Variants in CDC42BPA observed in about 807,000 individuals in gnomAD.
CDC42BPA encodes the protein serine/threonine-protein kinase MRCK alpha.
Under a neutral mutation model 223.5 loss-of-function variants are expected in CDC42BPA, and 80 were observed. The observed-to-expected ratio is 0.36, with a 90% CI of 0.30 to 0.43. The LOEUF is 0.43. CDC42BPA is among the 20% of genes least tolerant of loss of function. The probability of loss-of-function intolerance (pLI) is 1.00; values close to 1 mark genes in which losing one functional copy is unlikely to be tolerated. For missense variants in CDC42BPA, 1,743 were observed against 2,099.9 expected (o/e 0.83, Z 3.32); for synonymous variants, 694 against 718.6 (o/e 0.97, Z 0.55).
intron 2 of CDC42BPA, among the ~76,000 whole-genome samples, chr1:227,248,083 G>A (rs1181028432): frequency 6.6e-6 from 1 of 151,946 alleles, no homozygotes; most frequent in Non-Finnish European, 1.5e-5. Context: ...AATGAAGCAT[G>A]TATAAGATCT....
intron 23 of CDC42BPA, among the ~76,000 whole-genome samples, chr1:227,043,411 CAAA>C (rs66612393): frequency 5.8e-5 from 7 of 120,986 alleles, no homozygotes; most frequent in Admixed American, 1.6e-4. Flanking sequence ...GACTTCGTCT[CAAA>C]AAAAAAAAAA....
chr1:227,155,909 A>T (rs999962093), intron 6 of CDC42BPA, among the ~76,000 whole-genome samples: 5 of 152,156 alleles, frequency 3.3e-5, no homozygotes, highest in Non-Finnish European at 7.3e-5. Context: ...CTCATCTACC[A>T]TGGTAGGATA....
intron 2 of CDC42BPA, among the ~76,000 whole-genome samples, chr1:227,220,981 T>A (rs1005202861): frequency 7.2e-5 from 11 of 152,354 alleles, no homozygotes; most frequent in Admixed American, 7.2e-4. Flanking sequence ...GAGTAGTACA[T>A]GCTTGCTTTT....
rs766052381 is a variant in CDC42BPA, at chr1:227,129,192, A to G, written c.1430T>C (p.Val477Ala). 1.1e-5 allele frequency: 17 copies of G among 1,596,562 alleles called. No individual in the cohort carries two copies. The Admixed American group carries it at 2.2e-4, about 21-fold the overall frequency. ...QTVQALQYST[V>A]DGPLTASKDL... is the part of the protein sequence containing the mutation. Reference sequence around the variant, plus strand: ...TTTGCTTGCTGTTAGTGGACCATCAACAGTTGAATACTGCAGAGCTTGGAC... The same window carrying G: ...TTTGCTTGCTGTTAGTGGACCATCAGCAGTTGAATACTGCAGAGCTTGGAC... Residue 477 changes from valine (V) to alanine (A), a missense_variant, in exon 11 of 37, where the codon GTT becomes GCT. This residue lies in a region of CDC42BPA where 464 missense variants were observed against 488.0 expected (regional missense o/e 0.95). Transcript: ENST00000366766.
chr1:227,289,742 A>G (rs1689383554), intron 1 of CDC42BPA, among the ~76,000 whole-genome samples: 1 of 152,180 alleles, frequency 6.6e-6, no homozygotes, highest in Admixed American at 6.5e-5. Context: ...AAAAACAACA[A>G]ATCTTAAGGG....
chr1:227,287,870 T>C (rs534899514), intron 1 of CDC42BPA, among the ~76,000 whole-genome samples: 1 of 152,336 alleles, frequency 6.6e-6, no homozygotes, highest in South Asian at 2.1e-4. Context: ...TATTCAAAAC[T>C]GTAGGGCAAT....
At chr1:227,055,698 T>C (rs1367094091) in intron 21 of CDC42BPA, among the ~76,000 whole-genome samples, 1 of 152,112 alleles carries the variant, frequency 6.6e-6, no homozygotes, top group African/African-American at 2.4e-5. Flanking sequence ...AGTATAATAA[T>C]GCAGCAAAAG....
At chr1:227,313,622 G>A (rs1178598149) in intron 1 of CDC42BPA, among the ~76,000 whole-genome samples, 2 of 140,504 alleles carry the variant, frequency 1.4e-5, no homozygotes, top group African/African-American at 5.4e-5. Context: ...TGAACATTTT[G>A]ATAATTCGGA....
intron 1 of CDC42BPA, among the ~76,000 whole-genome samples, chr1:227,292,108 G>T (rs758976986): frequency 1.3e-5 from 2 of 151,466 alleles, no homozygotes; most frequent in Non-Finnish European, 2.9e-5. Flanking sequence ...TCAGCCTCCC[G>T]AGTAGCTGGG....
intron 2 of CDC42BPA, among the ~76,000 whole-genome samples, chr1:227,222,085 TAGTC>T (rs1378117929): frequency 6.8e-6 from 1 of 147,222 alleles, no homozygotes; most frequent in Non-Finnish European, 1.5e-5. Flanking sequence ...AAAAATTAAT[TAGTC>T]AGGGATAGTG....
chr1:227,268,256 C>T (rs1255159596), intron 1 of CDC42BPA, among the ~76,000 whole-genome samples: 1 of 152,042 alleles, frequency 6.6e-6, no homozygotes, highest in Non-Finnish European at 1.5e-5. Flanking sequence ...CGTTTGCTTT[C>T]ACGACATAAG....
At chr1:227,153,139 G>A (rs576462715) in intron 6 of CDC42BPA, among the ~76,000 whole-genome samples, 12 of 151,696 alleles carry the variant, frequency 7.9e-5, no homozygotes, top group African/African-American at 2.9e-4. Flanking sequence ...CGAATAAATA[G>A]ATCAGAGAAA....
chr1:227,315,931 C>A, intron 1 of CDC42BPA, among the ~76,000 whole-genome samples: 1 of 117,138 alleles, frequency 8.5e-6, no homozygotes, highest in Non-Finnish European at 1.7e-5. Context: ...ACCTGAGAAA[C>A]TAACTTTGAA....
At chr1:227,193,544 G>A (rs1670128019) in intron 5 of CDC42BPA, 1 of 405,596 alleles carries the variant, frequency 2.5e-6, no homozygotes, top group African/African-American at 2.0e-5. Context: ...TATTATTCTA[G>A]GAGTGACAAC....
intron 31 of CDC42BPA, among the ~76,000 whole-genome samples, chr1:227,025,085 A>G (rs943106780): frequency 1.3e-5 from 2 of 152,136 alleles, no homozygotes; most frequent in Admixed American, 6.5e-5. Flanking sequence ...TCTACTAAAA[A>G]CACAAAAATT....
chr1:227,229,812 G>A (rs1021565000), intron 2 of CDC42BPA, among the ~76,000 whole-genome samples: 1 of 152,142 alleles, frequency 6.6e-6, no homozygotes, highest in African/African-American at 2.4e-5. Context: ...TCTGTTAGAA[G>A]TGAACTGTCT....
chr1:227,164,725 C>T (rs1238622602), intron 5 of CDC42BPA, among the ~76,000 whole-genome samples: 2 of 152,232 alleles, frequency 1.3e-5, no homozygotes, highest in Non-Finnish European at 1.5e-5. Flanking sequence ...CGCACACACA[C>T]ACACCCCTAA....
intron 3 of CDC42BPA, 151 bp downstream of exon 3, chr1:227,212,985 C>G (rs1250661610): frequency 2.3e-5 from 11 of 482,982 alleles, no homozygotes; most frequent in Middle Eastern, 5.6e-4. Context: ...ATAATTATAT[C>G]ACAATTGTGT....
At chr1:227,092,930 A>G (rs1360343197) in intron 15 of CDC42BPA, among the ~76,000 whole-genome samples, 1 of 152,184 alleles carries the variant, frequency 6.6e-6, no homozygotes, top group Admixed American at 6.5e-5. Flanking sequence ...TTCAAAGTCA[A>G]GGACACTCTA....
Sources: gnomAD v4.1 joint callset for allele counts (sites outside exome capture counted in the v4.1 genomes callset) on GRCh38, gnomAD v4.1.1 for gene constraint, gnomAD v4.1.1 regional missense constraint, MANE v1.5 for transcripts, NCBI Gene and HGNC (gene_info 2026-07-23, HGNC 2026-07-21) for gene names.